The following WDR44 variants were observed in gnomAD, a reference collection of about 807,000 sequenced individuals.
The protein encoded by WDR44 is WD repeat domain 44.
WDR44 carries 9 observed loss-of-function variants against 65.7 expected under a neutral mutation model. That is an observed-to-expected ratio of 0.14 (90% CI 0.08 to 0.24). The LOEUF (loss-of-function observed/expected upper bound fraction) is 0.24, where lower values mean the gene tolerates loss of function less well. Ranked by LOEUF, WDR44 falls within the 10% of genes least tolerant of loss-of-function variation. The pLI, the probability that WDR44 is intolerant of heterozygous loss-of-function variation, is 1.00. For missense variants in WDR44, 425 were observed against 670.9 expected, an observed-to-expected ratio of 0.63 and a Z score of 4.05; for synonymous variants, 220 against 235.2, an observed-to-expected ratio of 0.94 and a Z score of 0.59.
intron 10 of WDR44, among the ~76,000 whole-genome samples, chrX:118,408,695 G>A (rs771129550): frequency 1.7e-4 from 19 of 111,939 alleles, no homozygotes; most frequent in Non-Finnish European, 3.4e-4. Context: ...CACCACGCCC[G>A]GCCCATTCCA....
At chrX:118,389,677 G>A (rs929425870) in intron 3 of WDR44, among the ~76,000 whole-genome samples, 35 of 91,134 alleles carry the variant, frequency 3.8e-4, no homozygotes, top group Non-Finnish European at 7.3e-4. Context: ...CTGAAATTGC[G>A]CCACTGCACT....
chrX:118,384,770 G>T (rs781002658), intron 2 of WDR44, among the ~76,000 whole-genome samples: 9 of 111,927 alleles, frequency 8.0e-5, no homozygotes, highest in Admixed American at 5.7e-4. Flanking sequence ...GCCTTGGGCA[G>T]TGTGGCCATT....
intron 1 of WDR44, among the ~76,000 whole-genome samples, chrX:118,350,877 A>T (rs1339515284): frequency 9.0e-6 from 1 of 111,629 alleles, no homozygotes; most frequent in Non-Finnish European, 1.9e-5. Context: ...TTTTAACTGA[A>T]AGTGAAATTT....
At chrX:118,371,985 CT>C (rs1363109714) in intron 1 of WDR44, among the ~76,000 whole-genome samples, 3 of 96,105 alleles carry the variant, frequency 3.1e-5, no homozygotes, top group African/African-American at 1.2e-4. Flanking sequence ...TTCTATTTTT[CT>C]TTTTTTATTT....
chrX:118,409,873 A>C (rs750081381), intron 11 of WDR44, among the ~76,000 whole-genome samples: 1 of 112,250 alleles, frequency 8.9e-6, no homozygotes, highest in Admixed American at 9.5e-5. Flanking sequence ...TATTGAGAAC[A>C]TGATATTTGG....
intron 1 of WDR44, among the ~76,000 whole-genome samples, chrX:118,367,340 G>C (rs1159889779): frequency 9.0e-6 from 1 of 111,715 alleles, no homozygotes; most frequent in East Asian, 2.8e-4. Flanking sequence ...CAGGTCTCCT[G>C]ATTCTGCTCT....
At chrX:118,447,539 T>C (rs1344378530) in intron 19 of WDR44, among the ~76,000 whole-genome samples, 2 of 111,071 alleles carry the variant, frequency 1.8e-5, no homozygotes, top group African/African-American at 6.6e-5. Flanking sequence ...ATTTTCCTTA[T>C]GTGTAAAATA....
intron 1 of WDR44, 42 bp downstream of exon 1, chrX:118,346,622 C>G (rs1476658960): frequency 9.7e-7 from 1 of 1,033,747 alleles, no homozygotes; most frequent in Non-Finnish European, 1.3e-6. Flanking sequence ...GCATCCCAAG[C>G]CCCCCGCATC....
At chrX:118,354,518 T>A (rs2056442571) in intron 1 of WDR44, among the ~76,000 whole-genome samples, 1 of 110,951 alleles carries the variant, frequency 9.0e-6, no homozygotes, top group Non-Finnish European at 1.9e-5. Flanking sequence ...CTCCACAGAG[T>A]CCTGATCTTT....
intron 1 of WDR44, among the ~76,000 whole-genome samples, chrX:118,374,306 C>T (rs930058552): frequency 2.3e-4 from 26 of 111,698 alleles, no homozygotes; most frequent in African/African-American, 6.8e-4. Flanking sequence ...GCACATGATA[C>T]AAATCATTTT....
chrX:118,359,085 A>C (rs1168727833), intron 1 of WDR44, among the ~76,000 whole-genome samples: 1 of 112,018 alleles, frequency 8.9e-6, no homozygotes, highest in Admixed American at 9.5e-5. Context: ...AAACCAAAAA[A>C]AAAATCTTAG....
chrX:118,381,896 A>C (rs1304756750), intron 2 of WDR44, among the ~76,000 whole-genome samples: 1 of 109,954 alleles, frequency 9.1e-6, no homozygotes, highest in Admixed American at 9.8e-5. Context: ...TGAAGGTCTC[A>C]CTCTGTCACC....
At chrX:118,403,972 A>G (rs1267523991) in intron 8 of WDR44, among the ~76,000 whole-genome samples, 1 of 111,974 alleles carries the variant, frequency 8.9e-6, no homozygotes, top group Admixed American at 9.5e-5. Context: ...AGCCTTCTCA[A>G]AGCAGTTCTC....
chrX:118,366,891 A>T (rs1282901310), intron 1 of WDR44, among the ~76,000 whole-genome samples: 2 of 111,513 alleles, frequency 1.8e-5, no homozygotes, highest in Non-Finnish European at 3.8e-5. Flanking sequence ...AGGTCAGGAG[A>T]TGGAGACCAC....
chrX:118,413,991 G>A (rs2057033221), intron 12 of WDR44, among the ~76,000 whole-genome samples: 2 of 111,185 alleles, frequency 1.8e-5, no homozygotes, highest in Admixed American at 1.9e-4. Context: ...TCAGTTGGCT[G>A]TAAATATTTG....
intron 4 of WDR44, 68 bp from the exon 5 acceptor site, chrX:118,393,987 C>A: frequency 9.7e-7 from 1 of 1,027,089 alleles, no homozygotes; most frequent in Non-Finnish European, 1.3e-6. Context: ...AGCCACTTTC[C>A]TCACAGGGTT....
intron 8 of WDR44, among the ~76,000 whole-genome samples, 154 bp downstream of exon 8, chrX:118,398,624 T>C (rs2056886425): frequency 1.8e-5 from 2 of 112,573 alleles, no homozygotes; most frequent in Non-Finnish European, 1.9e-5. Flanking sequence ...GAAGTTGTAT[T>C]GATTAGTTTT....
At chrX:118,381,576 C>CTTTTTTT (rs371445545) in intron 2 of WDR44, among the ~76,000 whole-genome samples, 1 of 87,167 alleles carries the variant, frequency 1.1e-5, no homozygotes, top group Non-Finnish European at 2.2e-5. Flanking sequence ...GTTCTTTCTT[C>CTTTTTTT]TTTTTTTTTT....
chrX:118,434,268 G>A (rs1363297354), intron 13 of WDR44, among the ~76,000 whole-genome samples: 1 of 111,743 alleles, frequency 8.9e-6, no homozygotes, highest in Non-Finnish European at 1.9e-5. Context: ...TTTAAGGACT[G>A]GTGCCAGCCT....
Sources: gnomAD v4.1 joint callset for allele counts (sites outside exome capture counted in the v4.1 genomes callset) on GRCh38, gnomAD v4.1.1 for gene constraint, MANE v1.5 for transcripts, NCBI Gene and HGNC (gene_info 2026-07-23, HGNC 2026-07-21) for gene names.